The following ANO6 variants were observed in gnomAD, a reference collection of about 807,000 sequenced individuals.
The protein encoded by ANO6 is anoctamin 6, also known as anoctamin-6.
A neutral mutation model predicts 117.5 loss-of-function variants in ANO6; 106 were observed. The ratio of observed to expected loss-of-function variants is 0.90; its 90% CI spans 0.77 to 1.06. The LOEUF is 1.06. Among genes scored for constraint, ANO6 ranks in the 50% least tolerant of loss-of-function variants. The pLI is 0.00. For synonymous variants in ANO6, 367 were observed against 385.1 expected, an observed-to-expected ratio of 0.95 and a Z score of 0.55; for missense variants, 955 against 1,121.1, an observed-to-expected ratio of 0.85 and a Z score of 2.12.
intron 1 of ANO6, among the ~76,000 whole-genome samples, chr12:45,236,531 A>G (rs1009729167): frequency 6.6e-6 from 1 of 152,182 alleles, no homozygotes; most frequent in African/African-American, 2.4e-5. Flanking sequence ...TTCCAGCTTC[A>G]TCCATGTCCC....
At chr12:45,267,960 T>A (rs942144958) in intron 1 of ANO6, among the ~76,000 whole-genome samples, 1 of 151,360 alleles carries the variant, frequency 6.6e-6, no homozygotes, top group African/African-American at 2.4e-5. Flanking sequence ...GAAAAATAAC[T>A]CTCTCTCCCA....
At chr12:45,237,602 T>A (rs1480243447) in intron 1 of ANO6, among the ~76,000 whole-genome samples, 2 of 152,232 alleles carry the variant, frequency 1.3e-5, no homozygotes, top group African/African-American at 2.4e-5. Flanking sequence ...TTGGTACCAG[T>A]ACCATGCTGT....
At chr12:45,417,846 G>C (rs1049899816) in intron 17 of ANO6, among the ~76,000 whole-genome samples, 4 of 152,176 alleles carry the variant, frequency 2.6e-5, no homozygotes, top group African/African-American at 9.7e-5. Flanking sequence ...CTGGATGAGG[G>C]AAGTTACTGA....
intron 12 of ANO6, among the ~76,000 whole-genome samples, chr12:45,401,407 T>A (rs931379968): frequency 6.6e-6 from 1 of 152,244 alleles, no homozygotes; most frequent in African/African-American, 2.4e-5. Flanking sequence ...TACACTCATT[T>A]TTTTCCTTCT....
downstream of ANO6, among the ~76,000 whole-genome samples, chr12:45,433,616 T>A (rs1943673664): frequency 6.6e-6 from 1 of 152,206 alleles, no homozygotes; most frequent in Non-Finnish European, 1.5e-5. Context: ...GGCAAGAATG[T>A]GATCTTTGTC....
chr12:45,312,721 A>G (rs189676544), intron 2 of ANO6, among the ~76,000 whole-genome samples: 42 of 152,192 alleles, frequency 2.8e-4, no homozygotes, highest in Admixed American at 3.9e-4. Flanking sequence ...AAAAGGAAAA[A>G]GTGTTTACAG....
intron 9 of ANO6, among the ~76,000 whole-genome samples, chr12:45,369,975 A>G (rs565758297): frequency 6.6e-5 from 10 of 152,340 alleles, no homozygotes; most frequent in African/African-American, 1.7e-4. Flanking sequence ...AAGCATAACA[A>G]ATTCTCATTT....
intron 2 of ANO6, among the ~76,000 whole-genome samples, chr12:45,312,874 C>T (rs957786477): frequency 6.6e-6 from 1 of 151,972 alleles, no homozygotes; most frequent in Non-Finnish European, 1.5e-5. Flanking sequence ...TATAATATAT[C>T]AAGTCAAGAC....
chr12:45,246,621 A>C (rs1435665359), intron 1 of ANO6, among the ~76,000 whole-genome samples: 1 of 152,180 alleles, frequency 6.6e-6, no homozygotes, highest in Non-Finnish European at 1.5e-5. Flanking sequence ...CAAACACTTA[A>C]TGTGGTCCGA....
chr12:45,392,896 A>G (rs1374958463), intron 12 of ANO6, among the ~76,000 whole-genome samples: 1 of 152,262 alleles, frequency 6.6e-6, no homozygotes, highest in Admixed American at 6.5e-5. Context: ...AGGAGAAACC[A>G]GCAGAAAAGC....
At chr12:45,368,795 T>C (rs954761240) in intron 9 of ANO6, among the ~76,000 whole-genome samples, 7 of 152,236 alleles carry the variant, frequency 4.6e-5, no homozygotes, top group African/African-American at 1.7e-4. Context: ...TAACGGAATG[T>C]ATTGCTGTTA....
At chr12:45,404,880 A>C (rs1290185705) in intron 15 of ANO6, among the ~76,000 whole-genome samples, 1 of 150,000 alleles carries the variant, frequency 6.7e-6, no homozygotes, top group Non-Finnish European at 1.5e-5. Flanking sequence ...TTCTTCTCCT[A>C]CTCCTGGCTT....
chr12:45,378,140 A>G (rs753479683), intron 10 of ANO6, 27 bp downstream of exon 10: 4 of 1,550,926 alleles, frequency 2.6e-6, no homozygotes, highest in Non-Finnish European at 3.5e-6. Context: ...TTTTTCATGC[A>G]CTCAATTTGA....
chr12:45,334,059 T>C (rs1940754438), intron 3 of ANO6, among the ~76,000 whole-genome samples: 1 of 151,812 alleles, frequency 6.6e-6, no homozygotes, highest in Admixed American at 6.6e-5. Context: ...AAAAAGAAAA[T>C]AATTTTCTAG....
rs781317866 is a variant in ANO6 at position 45,423,026 on chromosome 12, G to A, written c.2490G>A (p.Val830=). Residue 830 remains valine (V), a synonymous_variant, in exon 19 of 20, where the codon GTG becomes GTA. Transcript: ENST00000320560. ...EYKHNIYYWH[V]IAAKLAFIIV... ...AACACAACATCTACTATTGGCATGT[G>A]ATTGCAGCCAAGCTGGCTTTTATCA... The A allele has an allele frequency of 5.0e-6, 8 of 1,614,094 alleles. No individual in the cohort carries two copies. The South Asian group carries it at 8.8e-5, about 18-fold the overall frequency.
intron 2 of ANO6, among the ~76,000 whole-genome samples, chr12:45,321,121 T>C (rs899722237): frequency 1.3e-5 from 2 of 152,186 alleles, no homozygotes; most frequent in Non-Finnish European, 2.9e-5. Context: ...GCTTCTGCAC[T>C]TAAAAGTTGC....
chr12:45,338,804 G>C (rs1442895780), intron 3 of ANO6, among the ~76,000 whole-genome samples: 1 of 151,900 alleles, frequency 6.6e-6, no homozygotes, highest in Non-Finnish European at 1.5e-5. Flanking sequence ...AAAATGGGAA[G>C]TATCTCTGGG....
At chr12:45,342,375 C>T (rs568670128) in intron 3 of ANO6, among the ~76,000 whole-genome samples, 2 of 152,314 alleles carry the variant, frequency 1.3e-5, no homozygotes, top group Admixed American at 6.5e-5. Context: ...GAACTGCCCT[C>T]GTGTGGGGCT....
At chr12:45,298,289 A>T (rs1939361995) in intron 1 of ANO6, among the ~76,000 whole-genome samples, 1 of 152,224 alleles carries the variant, frequency 6.6e-6, no homozygotes. Flanking sequence ...CTAAAAATAC[A>T]TTTCAACATA....
Sources: gnomAD v4.1 joint callset for allele counts (sites outside exome capture counted in the v4.1 genomes callset) on GRCh38, gnomAD v4.1.1 for gene constraint, MANE v1.5 for transcripts, NCBI Gene and HGNC (gene_info 2026-07-23, HGNC 2026-07-21) for gene names.